The following MED14 variants were observed in gnomAD, a reference collection of about 807,000 sequenced individuals.
MED14 encodes the protein mediator complex subunit 14.
A neutral mutation model predicts 109.0 loss-of-function variants in MED14; 8 were observed. The observed-to-expected ratio is 0.07, with a 90% CI of 0.04 to 0.13. The LOEUF (loss-of-function observed/expected upper bound fraction) is 0.13. MED14 is among the 10% of genes least tolerant of loss of function. The pLI is 1.00. For missense variants in MED14, 711 were observed against 1,142.4 expected, an observed-to-expected ratio of 0.62 and a Z score of 5.44; for synonymous variants, 399 against 408.7, an observed-to-expected ratio of 0.98 and a Z score of 0.29.
intron 10 of MED14, among the ~76,000 whole-genome samples, chrX:40,708,785 A>C (rs909311729): frequency 8.9e-6 from 1 of 111,755 alleles, no homozygotes; most frequent in Non-Finnish European, 1.9e-5. Context: ...TGCATTCCTT[A>C]TTTGAACTGT....
At chrX:40,669,573 C>G (rs1245070898) in intron 23 of MED14, among the ~76,000 whole-genome samples, 1 of 112,125 alleles carries the variant, frequency 8.9e-6, no homozygotes, top group Non-Finnish European at 1.9e-5. Flanking sequence ...AGAACTCCCC[C>G]CTCCTTTCTC....
At chrX:40,720,120 C>G (rs1284965701) in intron 3 of MED14, among the ~76,000 whole-genome samples, 1 of 112,272 alleles carries the variant, frequency 8.9e-6, no homozygotes, top group African/African-American at 3.2e-5. Context: ...AGGGTCAGAG[C>G]AAGATGGTGG....
chrX:40,683,491 C>T (rs201244239), intron 16 of MED14, among the ~76,000 whole-genome samples: 4 of 111,968 alleles, frequency 3.6e-5, no homozygotes, highest in East Asian at 2.8e-4. Context: ...GTGTCATTGA[C>T]GAAGAAAATG....
At chrX:40,684,251 G>A (rs993751987) in intron 16 of MED14, among the ~76,000 whole-genome samples, 4 of 111,373 alleles carry the variant, frequency 3.6e-5, no homozygotes, top group Non-Finnish European at 3.8e-5. Context: ...TACCTACTAG[G>A]TGCCAGTAGC....
At chrX:40,682,778 T>C (rs746379971) in intron 17 of MED14, 29 bp from the exon 18 acceptor site, 2 of 1,204,470 alleles carry the variant, frequency 1.7e-6, no homozygotes, top group South Asian at 3.5e-5. Context: ...ATATTAATAG[T>C]AATCGATACC....
Position 40,654,624 on chromosome X carries a change from G to C in MED14, c.4099-68C>G. ...AAACATCTGTCTAAATGTATCAAAG[G>C]TACTATCATTTACTGTACTTTCAGA... On this transcript the variant is annotated intron_variant, in intron 29 of 30. Coordinates refer to ENST00000324817, the MANE Select transcript of MED14 (RefSeq NM_004229.4). 2.9e-6 allele frequency: 3 copies of C among 1,051,231 alleles called. No individual in the cohort carries two copies. In the South Asian group the frequency reaches 6.5e-5, roughly 23 times the overall value. The allele number at this position is 1,051,231 out of a possible 1,213,427, so 86.6% of individuals were successfully genotyped here. A position where few individuals can be genotyped will look rare whatever the true frequency, so the allele number is the denominator to read the frequency against.
chrX:40,709,309 A>T, intron 10 of MED14, 39 bp downstream of exon 10: 1 of 685,661 alleles, frequency 1.5e-6, no homozygotes, highest in Non-Finnish European at 2.1e-6. Context: ...ATTCTAGTTT[A>T]AACAAAAGAA....
intron 28 of MED14, among the ~76,000 whole-genome samples, chrX:40,657,590 C>T (rs1929100335): frequency 9.0e-6 from 1 of 111,617 alleles, no homozygotes; most frequent in Non-Finnish European, 1.9e-5. Flanking sequence ...GAATAAACTC[C>T]TATTGTTTTA....
chrX:40,716,940 T>C (rs1423976153), intron 3 of MED14, among the ~76,000 whole-genome samples: 2 of 111,749 alleles, frequency 1.8e-5, no homozygotes, highest in Non-Finnish European at 3.8e-5. Flanking sequence ...TTCTCTCTCC[T>C]ATGTGGGAGT....
At chrX:40,694,887 C>T (rs1930669548) in intron 13 of MED14, among the ~76,000 whole-genome samples, 2 of 111,912 alleles carry the variant, frequency 1.8e-5, no homozygotes, top group African/African-American at 6.5e-5. Context: ...AACTTATGAA[C>T]ACACACAAAA....
At chrX:40,700,854 C>T (rs1247812580) in intron 12 of MED14, among the ~76,000 whole-genome samples, 2 of 111,926 alleles carry the variant, frequency 1.8e-5, no homozygotes, top group African/African-American at 6.5e-5. Flanking sequence ...TTACAGAGAA[C>T]ACTTGATACA....
intron 23 of MED14, among the ~76,000 whole-genome samples, chrX:40,669,862 G>T (rs1430957996): frequency 9.0e-6 from 1 of 111,058 alleles, no homozygotes; most frequent in South Asian, 3.8e-4. Context: ...AGTGTCGAAA[G>T]GAGGGAGGCA....
intron 11 of MED14, among the ~76,000 whole-genome samples, chrX:40,702,194 A>T (rs934239210): frequency 8.9e-6 from 1 of 112,001 alleles, no homozygotes; most frequent in Non-Finnish European, 1.9e-5. Context: ...CTAGTCTATG[A>T]TATTTTGTTA....
At chrX:40,680,491 C>T (rs1394597910) in intron 20 of MED14, among the ~76,000 whole-genome samples, 1 of 111,683 alleles carries the variant, frequency 9.0e-6, no homozygotes, top group African/African-American at 3.3e-5. Context: ...AATCACCGCT[C>T]ACTGCAGCCT....
chrX:40,710,544 A>G (rs1931303295), intron 8 of MED14, among the ~76,000 whole-genome samples: 1 of 111,890 alleles, frequency 8.9e-6, no homozygotes, highest in African/African-American at 3.2e-5. Flanking sequence ...ATTTTCTCCC[A>G]AAGAAAGTTT....
chrX:40,666,021 TC>T (rs1929465827), intron 24 of MED14, among the ~76,000 whole-genome samples: 1 of 112,035 alleles, frequency 8.9e-6, no homozygotes, highest in Admixed American at 9.5e-5. Flanking sequence ...AAAACTAAAA[TC>T]CCAGATGCTA....
chrX:40,704,791 G>T (rs971296236), intron 10 of MED14, among the ~76,000 whole-genome samples: 1 of 111,331 alleles, frequency 9.0e-6, no homozygotes, highest in Non-Finnish European at 1.9e-5. Flanking sequence ...AAAACATAGG[G>T]TGAGCATCCT....
intron 13 of MED14, among the ~76,000 whole-genome samples, chrX:40,696,741 A>C (rs1429409249): frequency 1.8e-5 from 2 of 111,732 alleles, no homozygotes; most frequent in Admixed American, 1.9e-4. Flanking sequence ...CCAGACCTTC[A>C]TAGGAATTGG....
intron 3 of MED14, among the ~76,000 whole-genome samples, chrX:40,717,769 C>T (rs1270350254): frequency 1.8e-5 from 2 of 111,855 alleles, no homozygotes; most frequent in African/African-American, 6.5e-5. Context: ...GTGATCCACC[C>T]GCCTCAGCCT....
Sources: allele counts gnomAD v4.1 joint callset (sites outside exome capture counted in the v4.1 genomes callset), GRCh38; gene constraint gnomAD v4.1.1; transcripts MANE v1.5; gene names NCBI Gene and HGNC (gene_info 2026-07-23, HGNC 2026-07-21).